Variants in FRMPD1 observed in about 807,000 individuals in gnomAD.
The protein encoded by FRMPD1 is FERM and PDZ domain containing 1, also known as FERM and PDZ domain-containing protein 1.
Under a neutral mutation model 117.8 loss-of-function variants are expected in FRMPD1, and 76 were observed. The ratio of observed to expected loss-of-function variants is 0.65; its 90% confidence interval spans 0.54 to 0.78. FRMPD1 has a LOEUF of 0.78. FRMPD1 is among the 30% of genes least tolerant of loss of function. The probability of loss-of-function intolerance (pLI) is 0.00; values close to 1 mark genes in which losing one functional copy is unlikely to be tolerated. For synonymous variants in FRMPD1, 783 were observed against 770.4 expected, an observed-to-expected ratio of 1.02 and a Z score of -0.27; for missense variants, 1,786 against 1,964.5, an observed-to-expected ratio of 0.91 and a Z score of 1.72.
At position 37,746,302 on chromosome 9, in the gene FRMPD1, C is replaced by T. The variant is rs1209140426; in HGVS notation, c.4270C>T (p.Gln1424Ter). The T allele has an allele frequency of 1.1e-5, 18 of 1,612,766 alleles. No homozygotes were observed. Among genetic ancestry groups the T allele is most frequent in the Non-Finnish European group, 1.4e-5 (17 of 1,179,754 alleles). Residue 1424 changes from glutamine to a stop codon, truncating the protein, a stop_gained, in exon 16 of 16, where the codon CAA (glutamine) becomes TAA (stop). Coordinates refer to ENST00000377765, the MANE Select transcript of FRMPD1 (RefSeq NM_014907.3). LOFTEE classifies it high-confidence loss of function. ...TPASTPEGFI[Q>*]LMESLLELQD... ...TGCCAGCACCCCTGAGGGCTTCATC[C>T]AACTCATGGAGAGCTTGCTGGAGCT...
Position 37,737,150 on chromosome 9 carries a change from G to C in FRMPD1, c.1456G>C (p.Ala486Pro). Residue 486 changes from alanine (A) to proline (P), a missense_variant, in exon 14 of 16, where the codon GCT (alanine) becomes CCT (proline). Ala to Pro is a conservative substitution (Grantham distance 27). Coordinates refer to ENST00000377765, the MANE Select transcript of FRMPD1 (RefSeq NM_014907.3). The stretch of plus-strand genomic sequence containing the variant: ...TGCAAAAGACCTAGCCTGCCTGATT[G>C]CTGGGTACTACAGGCTGTTGGTTGA... Reference protein sequence around the residue: ...NSAKDLACLIAGYYRLLVDPV... With the variant: ...NSAKDLACLIPGYYRLLVDPV... The C allele has an allele frequency of 6.2e-7, 1 of 1,611,986 alleles. No homozygotes were observed. The highest frequency in any genetic ancestry group is 1.1e-5 in the South Asian group (1 of 91,008).
At chr9:37,688,811 T>C (rs950003442) in intron 1 of FRMPD1, among the ~76,000 whole-genome samples, 2 of 152,060 alleles carry the variant, frequency 1.3e-5, no homozygotes, top group Admixed American at 6.5e-5. Context: ...TCTATACATG[T>C]GTAAGCATAA....
the FRMPD1 span, among the ~76,000 whole-genome samples, chr9:37,630,982 A>T: frequency 6.6e-6 from 1 of 152,214 alleles, no homozygotes; most frequent in African/African-American, 2.4e-5. Context: ...TTCTAGTGAC[A>T]CAAATGTCAA....
intron 7 of FRMPD1, among the ~76,000 whole-genome samples, chr9:37,726,872 C>T (rs1423223443): frequency 6.6e-6 from 1 of 152,090 alleles, no homozygotes; most frequent in Non-Finnish European, 1.5e-5. Context: ...CCGTGTGGTA[C>T]AGGCTCAGGG....
chr9:37,714,261 A>G (rs1823019792), intron 5 of FRMPD1, among the ~76,000 whole-genome samples: 2 of 152,232 alleles, frequency 1.3e-5, no homozygotes, highest in South Asian at 4.1e-4. Flanking sequence ...GAGTATCTTA[A>G]TCTTAATCAG....
intron 7 of FRMPD1, 49 bp from the exon 8 acceptor site, chr9:37,729,679 A>C: frequency 1.3e-6 from 2 of 1,589,646 alleles, no homozygotes; most frequent in Non-Finnish European, 1.7e-6. Context: ...AGGCCAGGGA[A>C]GTCCTTCCTG....
chr9:37,722,254 A>T (rs150133239), intron 6 of FRMPD1, among the ~76,000 whole-genome samples: 164 of 152,214 alleles, frequency 1.1e-3, no homozygotes, highest in African/African-American at 3.8e-3. Flanking sequence ...GGCTGCAGTG[A>T]ACCGAGACTG....
chr9:37,664,222 C>T (rs1980816), intron 1 of FRMPD1, among the ~76,000 whole-genome samples: 27,058 of 151,734 alleles, frequency 0.18, 3,527 homozygotes, highest in East Asian at 0.47. Context: ...GACCACTGGG[C>T]TGCCCTTGGT....
At chr9:37,645,373 G>C in the FRMPD1 span, among the ~76,000 whole-genome samples, 1 of 152,100 alleles carries the variant, frequency 6.6e-6, no homozygotes, top group Non-Finnish European at 1.5e-5. Flanking sequence ...ATTAGCAATA[G>C]ATTCGAATAC....
intron 1 of FRMPD1, among the ~76,000 whole-genome samples, chr9:37,655,018 T>C (rs528529340): frequency 6.6e-6 from 1 of 152,114 alleles, no homozygotes; most frequent in Non-Finnish European, 1.5e-5. Flanking sequence ...CATTGATGCA[T>C]AAAGGGAAAG....
intron 1 of FRMPD1, among the ~76,000 whole-genome samples, chr9:37,691,941 G>A (rs549749546): frequency 3.4e-4 from 52 of 152,092 alleles, no homozygotes; most frequent in Admixed American, 3.1e-3. Context: ...AAGAAACTCT[G>A]GAAGGACAAA....
chr9:37,637,963 G>T, the FRMPD1 span, among the ~76,000 whole-genome samples: 1 of 100,030 alleles, frequency 1.0e-5, no homozygotes, highest in Non-Finnish European at 2.0e-5. Context: ...AATGGTGTAT[G>T]CTTTCTTTCT....
intron 1 of FRMPD1, among the ~76,000 whole-genome samples, chr9:37,681,288 C>A (rs931553469): frequency 2.0e-5 from 3 of 151,686 alleles, no homozygotes; most frequent in African/African-American, 7.3e-5. Context: ...TTCTTATGGC[C>A]ACAGGTGAAA....
At chr9:37,611,038 T>C in the FRMPD1 span, among the ~76,000 whole-genome samples, 2 of 152,244 alleles carry the variant, frequency 1.3e-5, no homozygotes, top group East Asian at 3.8e-4. Flanking sequence ...AGTTAATACC[T>C]TTGTGCAAGC....
upstream of FRMPD1, among the ~76,000 whole-genome samples, chr9:37,649,316 T>C (rs1820596996): frequency 6.6e-6 from 1 of 152,218 alleles, no homozygotes; most frequent in African/African-American, 2.4e-5. Context: ...AGAGCCAGAA[T>C]ACTTGATTTT....
At chr9:37,636,875 G>A in the FRMPD1 span, 1 of 1,611,054 alleles carries the variant, frequency 6.2e-7, no homozygotes, top group Non-Finnish European at 8.5e-7. Flanking sequence ...CAAAGAGTCT[G>A]CAAACTCCTT....
chr9:37,626,642 A>AAAAAAAAAAAAAAAAAAAAAAGGGG, the FRMPD1 span, among the ~76,000 whole-genome samples: 1 of 146,414 alleles, frequency 6.8e-6, no homozygotes, highest in East Asian at 2.0e-4. Context: ...AAAAAAAAAA[A>AAAAAAAAAAAAAAAAAAAAAAGGGG]GCTGGAGGTG....
chr9:37,740,796 GCAC>G lies in FRMPD1; in HGVS notation c.2270_2272del (p.His757del). ...GTTCCATGCTGGAACCCCTGGCCCT[GCAC>G]CCACCACTGGCCTTTGAGGATGGCA... On this transcript the variant is annotated inframe_deletion, in exon 15 of 16. Transcript: ENST00000377765. The surrounding 1 kb of genome is among the most constrained non-coding windows in gnomAD (Gnocchi z 4.2). The G allele has an allele frequency of 1.2e-6, 2 of 1,614,120 alleles. No homozygotes were observed. Among genetic ancestry groups the G allele is most frequent in the Admixed American group, 1.7e-5 (1 of 60,030 alleles).
At chr9:37,616,761 C>A in the FRMPD1 span, among the ~76,000 whole-genome samples, 254 of 152,274 alleles carry the variant, frequency 1.7e-3, 4 homozygotes, top group Middle Eastern at 0.014. Flanking sequence ...CTCTCCGTAT[C>A]TCTAGGAGAT....
Sources: allele counts gnomAD v4.1 joint callset (sites outside exome capture counted in the v4.1 genomes callset), GRCh38; gene constraint gnomAD v4.1.1; non-coding constraint Gnocchi (gnomAD v3.1); transcripts MANE v1.5; gene names NCBI Gene and HGNC (gene_info 2026-07-23, HGNC 2026-07-21).